The following FZD3 variants were observed in gnomAD, a reference collection of about 807,000 sequenced individuals.
The protein encoded by FZD3 is frizzled class receptor 3, also known as frizzled-3.
Under a neutral mutation model 60.7 loss-of-function variants are expected in FZD3, and 30 were observed. That is an observed-to-expected ratio of 0.49 (90% CI 0.37 to 0.67). FZD3 has a LOEUF of 0.67. Ranked by LOEUF, FZD3 falls within the 30% of genes least tolerant of loss-of-function variation. The pLI, the probability that FZD3 is intolerant of heterozygous loss-of-function variation, is 0.00. For missense variants in FZD3, 605 were observed against 838.7 expected (o/e 0.72, Z 3.44); for synonymous variants, 246 against 275.2 (o/e 0.89, Z 1.05).
intron 5 of FZD3, among the ~76,000 whole-genome samples, chr8:28,542,839 A>G (rs1013567651): frequency 6.6e-6 from 1 of 152,038 alleles, no homozygotes; most frequent in South Asian, 2.1e-4. Context: ...TTTTCTGACT[A>G]TTTGCTGTTA....
chr8:28,507,775 T>G (rs1204845758), intron 3 of FZD3, among the ~76,000 whole-genome samples: 1 of 145,600 alleles, frequency 6.9e-6, no homozygotes, highest in Non-Finnish European at 1.5e-5. Flanking sequence ...TTAAGTTTCA[T>G]TGTGAACTCA....
At chr8:28,548,253 TTTC>T (rs1440358419) in intron 5 of FZD3, among the ~76,000 whole-genome samples, 2 of 152,100 alleles carry the variant, frequency 1.3e-5, no homozygotes, top group Non-Finnish European at 2.9e-5. Flanking sequence ...AACTTTATGG[TTTC>T]TTTTTTGTTG....
At chr8:28,559,252 G>A (rs1214329941) in intron 7 of FZD3, among the ~76,000 whole-genome samples, 1 of 152,132 alleles carries the variant, frequency 6.6e-6, no homozygotes, top group South Asian at 2.1e-4. Flanking sequence ...AATCCCTTGA[G>A]TCACTATTAA....
Position 28,555,817 on chromosome 8 carries a change from A to G in FZD3, c.1633A>G (p.Ile545Val), listed in dbSNP as rs199839949. Residue 545 changes from isoleucine to valine, a missense_variant, in exon 7 of 8, where the codon ATA becomes GTA. Ile to Val is a conservative substitution (Grantham distance 29). Transcript: ENST00000240093. ...SLLRDPNTPI[I>V]RKSRGTSTQG... Reference sequence around the variant, plus strand: ...CCTGAGGGATCCAAATACTCCTATCATAAGAAAGTCAAGGGGAACTTCCAC... The same window carrying G: ...CCTGAGGGATCCAAATACTCCTATCGTAAGAAAGTCAAGGGGAACTTCCAC... 9 of 1,613,758 alleles carry G rather than the reference A, an allele frequency of 5.6e-6. No homozygotes were observed. The Admixed American group carries it at 1.2e-4, about 21-fold the overall frequency.
In FZD3 at chr8:28,502,814, A is replaced by C. The variant is rs1478786071; in HGVS notation, c.-200A>C. The C allele has an allele frequency of 2.6e-6, 1 of 380,886 alleles. No homozygotes were observed. The highest frequency in any genetic ancestry group is 2.1e-5 in the African/African-American group (1 of 48,188). The allele number at this position is 380,886 out of a possible 1,614,324, so 23.6% of individuals were successfully genotyped here. A position where few individuals can be genotyped will look rare whatever the true frequency, so the allele number is the denominator to read the frequency against. On this transcript the variant is annotated 5_prime_UTR_variant, in exon 3 of 8. Coordinates refer to ENST00000240093, the MANE Select transcript of FZD3 (RefSeq NM_017412.4). ...AGACAAGATGATGTCATTTTCCCAT[A>C]TTGTGAAACCAAAAACAAACGCCTT...
intron 5 of FZD3, among the ~76,000 whole-genome samples, chr8:28,528,462 T>A (rs1349020432): frequency 6.6e-6 from 1 of 152,068 alleles, no homozygotes; most frequent in Non-Finnish European, 1.5e-5. Flanking sequence ...GAGAAGCACT[T>A]TACCAACGTT....
intron 5 of FZD3, among the ~76,000 whole-genome samples, chr8:28,544,290 A>G (rs547759312): frequency 6.6e-6 from 1 of 152,276 alleles, no homozygotes; most frequent in African/African-American, 2.4e-5. Context: ...AGTATGCCAT[A>G]TCGGAGAATA....
Position 28,567,841 on chromosome 8 carries a change from T to C in FZD3, c.*4830T>C, listed in dbSNP as rs1161154718. 6.6e-6 allele frequency: 1 copy of C among 152,196 alleles called. No homozygotes were observed. The highest frequency in any genetic ancestry group is 2.4e-5 in the African/African-American group (1 of 41,446). The allele number at this position is 152,196 out of a possible 1,614,324, so 9.4% of individuals were successfully genotyped here. A position where few individuals can be genotyped will look rare whatever the true frequency, so the allele number is the denominator to read the frequency against. On this transcript the variant is annotated 3_prime_UTR_variant, in exon 8 of 8. Transcript: ENST00000240093. ...TGTAGAACAAATTTGGGGATATTCA[T>C]TTTATTTTTCCTTTTATATGAAATT...
chr8:28,551,864 C>A, intron 6 of FZD3, 113 bp downstream of exon 6: 1 of 838,104 alleles, frequency 1.2e-6, no homozygotes, highest in Non-Finnish European at 1.9e-6. Flanking sequence ...ACAAGACTAA[C>A]ATTTTCAGCA....
chr8:28,552,111 T>G (rs1222242455), intron 6 of FZD3, among the ~76,000 whole-genome samples: 1 of 152,194 alleles, frequency 6.6e-6, no homozygotes, highest in African/African-American at 2.4e-5. Context: ...TTGACATATA[T>G]TCTCATCTCT....
intron 5 of FZD3, 80 bp downstream of exon 5, chr8:28,528,244 T>C (rs1804772519): frequency 1.8e-6 from 2 of 1,109,332 alleles, no homozygotes; most frequent in Non-Finnish European, 2.6e-6. Context: ...TAATATCAGC[T>C]GTTTTTTGAA....
intron 6 of FZD3, among the ~76,000 whole-genome samples, chr8:28,555,360 T>C (rs540686583): frequency 1.3e-5 from 2 of 152,332 alleles, no homozygotes; most frequent in East Asian, 3.9e-4. Flanking sequence ...TTGAGAATGA[T>C]AGATTTCTTT....
At chr8:28,555,093 T>C (rs1268505984) in intron 6 of FZD3, among the ~76,000 whole-genome samples, 2 of 152,200 alleles carry the variant, frequency 1.3e-5, no homozygotes, top group Non-Finnish European at 2.9e-5. Context: ...AATGTTTCCC[T>C]TTAAGCTTCT....
rs532454092 is a variant in FZD3 at position 28,538,068 on chromosome 8, G to A, written c.1404+9904G>A. ...GGAGGCAGAGGTTTCAGTGAGCCAA[G>A]ATTGCGCCACTGCACTCCAGCCTGG... On this transcript the variant is annotated intron_variant, in intron 5 of 7. Transcript: ENST00000240093. Among the ~76,000 whole-genome samples the A allele has an allele frequency of 1.6e-4, 25 of 151,686 alleles. No homozygotes were observed. In the South Asian group the frequency reaches 5.2e-3, roughly 32 times the overall value.
chr8:28,495,332 G>T (rs896427015), intron 1 of FZD3, among the ~76,000 whole-genome samples: 1 of 152,166 alleles, frequency 6.6e-6, no homozygotes, highest in Non-Finnish European at 1.5e-5. Context: ...TTTGGTTCCC[G>T]TCTGGGTTGA....
At chr8:28,498,397 T>A (rs1803902450) in intron 1 of FZD3, among the ~76,000 whole-genome samples, 1 of 152,020 alleles carries the variant, frequency 6.6e-6, no homozygotes, top group African/African-American at 2.4e-5. Flanking sequence ...TTTGATAGGA[T>A]CTCTTTGGGT....
At chr8:28,523,597 T>C (rs1235717685) in intron 4 of FZD3, among the ~76,000 whole-genome samples, 1 of 149,368 alleles carries the variant, frequency 6.7e-6, no homozygotes, top group African/African-American at 2.5e-5. Context: ...GTCCAGCTAA[T>C]TAAAAAAAAA....
intron 6 of FZD3, among the ~76,000 whole-genome samples, chr8:28,554,975 T>G (rs352435): frequency 0.026 from 4,009 of 152,254 alleles, 213 homozygotes; most frequent in African/African-American, 0.09. Flanking sequence ...TTTAATTAGC[T>G]CTTGTATTAA....
chr8:28,524,647 T>G (rs1352074801), intron 4 of FZD3, among the ~76,000 whole-genome samples: 1 of 152,204 alleles, frequency 6.6e-6, no homozygotes, highest in Non-Finnish European at 1.5e-5. Context: ...ATAATGGTGC[T>G]TCCCAGAGTT....
Sources: gnomAD v4.1 joint callset for allele counts (sites outside exome capture counted in the v4.1 genomes callset) on GRCh38, gnomAD v4.1.1 for gene constraint, MANE v1.5 for transcripts, NCBI Gene and HGNC (gene_info 2026-07-23, HGNC 2026-07-21) for gene names.